Variants in JAG2 observed in about 807,000 individuals in gnomAD.
The protein encoded by JAG2 is jagged canonical Notch ligand 2, also known as protein jagged-2.
In JAG2, 46 loss-of-function variants were observed where a neutral mutation model predicts 141.7. The observed-to-expected ratio is 0.32, with a 90% CI of 0.26 to 0.42. JAG2 has a LOEUF of 0.42. Among genes scored for constraint, JAG2 ranks in the 10% least tolerant of loss-of-function variants. JAG2 has a pLI of 1.00. For synonymous variants in JAG2, 862 were observed against 763.5 expected (o/e 1.13, Z -2.13); for missense variants, 1,500 against 1,817.5 (o/e 0.83, Z 3.18).
rs587633550 is a variant in JAG2 at position 105,165,435 on chromosome 14, G to C, written c.417+2322C>G. 1.6e-3 allele frequency among the ~76,000 whole-genome samples: 240 copies of C among 152,356 alleles called. 1 individual carries two copies. In the Middle Eastern group the frequency reaches 0.02, roughly 13 times the overall value. The stretch of plus-strand genomic sequence containing the variant: ...AACCCAGGCTGACACCGGCCTCCTG[G>C]GGACGTCTGGGGGTGGAGCCAGGAG... On this transcript the variant is annotated intron_variant, in intron 2 of 25. Transcript: ENST00000331782.
intron 2 of JAG2, among the ~76,000 whole-genome samples, chr14:105,161,176 G>A (rs1229948632): frequency 2.7e-5 from 4 of 147,972 alleles, no homozygotes; most frequent in Non-Finnish European, 6.0e-5. Context: ...GTCTGTTGTT[G>A]GGGGTCTGAG....
intron 5 of JAG2, among the ~76,000 whole-genome samples, chr14:105,153,423 A>G (rs1595181024): frequency 6.6e-6 from 1 of 152,072 alleles, no homozygotes; most frequent in Non-Finnish European, 1.5e-5. Flanking sequence ...GCTGTGACAC[A>G]CCTTGGGTCA....
At chr14:105,152,403 G>A in intron 5 of JAG2, 112 bp from the exon 6 acceptor site, 1 of 1,316,432 alleles carries the variant, frequency 7.6e-7, no homozygotes, top group South Asian at 1.3e-5. Context: ...GGCGGCCTCA[G>A]GCCTTTGAAC....
intron 2 of JAG2, among the ~76,000 whole-genome samples, chr14:105,165,005 C>T (rs907458640): frequency 6.6e-6 from 1 of 152,188 alleles, no homozygotes; most frequent in African/African-American, 2.4e-5. Flanking sequence ...GGGGACCATG[C>T]TCCAGCCACA....
rs149308200 is a variant in JAG2 at position 105,153,343 on chromosome 14, C to T, written c.789-1052G>A. 7.9e-5 allele frequency among the ~76,000 whole-genome samples: 12 copies of T among 152,346 alleles called. No individual in the cohort carries two copies. In the South Asian group the frequency reaches 1.2e-3, roughly 16 times the overall value. On this transcript the variant is annotated intron_variant, in intron 5 of 25. Coordinates refer to ENST00000331782, the MANE Select transcript of JAG2 (RefSeq NM_002226.5). ...ATCCAGCCCAGCATGCACAGTGGTC[C>T]GCGTGGGTGGCCTCACATCCCGCCT...
chr14:105,147,806 G>A lies in JAG2; in HGVS notation c.2331C>T (p.Cys777=), dbSNP rs1449390130. The change falls in exon 18 of 26, where the codon TGC becomes TGT. Residue 777 remains cysteine, a synonymous_variant. Transcript: ENST00000331782. ...AAGTACGACCCTCCCAGCCGTCCCGGCAGATGCAGGAGAAGGAGGCCCCGC... is the reference window on the plus strand; with the variant it reads ...AAGTACGACCCTCCCAGCCGTCCCGACAGATGCAGGAGAAGGAGGCCCCGC... ...VGSGASFSCI[C]RDGWEGRTCT... is the part of the protein sequence containing the mutation. 4 of 1,549,432 alleles carry A rather than the reference G, an allele frequency of 2.6e-6. No individual in the cohort carries two copies. Among genetic ancestry groups the A allele is most frequent in the South Asian group, 2.4e-5 (2 of 84,018 alleles).
chr14:105,155,184 C>T (rs1472391247), intron 5 of JAG2, among the ~76,000 whole-genome samples: 1 of 151,800 alleles, frequency 6.6e-6, no homozygotes, highest in Non-Finnish European at 1.5e-5. Context: ...TCTGCCGCCC[C>T]TCGCCTGCTG....
chr14:105,147,685 G>T, intron 18 of JAG2, 87 bp downstream of exon 18: 1 of 1,112,426 alleles, frequency 9.0e-7, no homozygotes, highest in African/African-American at 1.5e-5. Flanking sequence ...GGAGGGGCTG[G>T]CAGAAGGGAC....
chr14:105,155,915 T>G lies in JAG2; in HGVS notation c.550A>C (p.Ser184Arg). 1 of 1,612,068 alleles carries G rather than the reference T, an allele frequency of 6.2e-7. No individual in the cohort carries two copies. Among genetic ancestry groups the G allele is most frequent in the Non-Finnish European group, 8.5e-7 (1 of 1,179,808 alleles). ...PEDRWKSLHFSGHVAHLELQI... is the reference protein window; with the variant it reads ...PEDRWKSLHFRGHVAHLELQI... ...AGCTCCAGGTGCGCCACGTGGCCGC[T>G]GAAGTGCAGGCTCTTCCAGCGGTCC... Residue 184 changes from serine to arginine, a missense_variant, in exon 4 of 26, where the codon AGC becomes CGC. Ser to Arg is a moderately radical substitution (Grantham distance 110). This residue lies in a region of JAG2 where 875 missense variants were observed against 1,202.2 expected (regional missense o/e 0.73). Coordinates refer to ENST00000331782, the MANE Select transcript of JAG2 (RefSeq NM_002226.5).
chr14:105,149,517 G>A (rs145393197), intron 12 of JAG2, among the ~76,000 whole-genome samples, 197 bp from the exon 13 acceptor site: 5 of 151,952 alleles, frequency 3.3e-5, no homozygotes, highest in Admixed American at 6.5e-5. Context: ...GATACCTGTG[G>A]GCCCCCACCC....
intron 25 of JAG2, among the ~76,000 whole-genome samples, 156 bp from the exon 26 acceptor site, chr14:105,143,326 G>A (rs1888121054): frequency 6.6e-6 from 1 of 152,248 alleles, no homozygotes; most frequent in Non-Finnish European, 1.5e-5. Context: ...CGGGGGCTGG[G>A]AAGGTCAGGT....
rs1361181915 is a variant in JAG2 at position 105,155,548 on chromosome 14, G to A, written c.788+14C>T. The stretch of plus-strand genomic sequence containing the variant: ...AAGGTTGGGAGGGCAAAGACGGGCC[G>A]GCGGCACACTCACCTGCACTCCCCA... On this transcript the variant is annotated intron_variant, in intron 5 of 25. Coordinates refer to ENST00000331782, the MANE Select transcript of JAG2 (RefSeq NM_002226.5). 6.8e-6 allele frequency: 11 copies of A among 1,612,698 alleles called. No homozygotes were observed. Among genetic ancestry groups the A allele is most frequent in the South Asian group, 6.6e-5 (6 of 91,078 alleles).
rs746806161 is a variant in JAG2, at chr14:105,146,423, T to C, written c.2671A>G (p.Ser891Gly). The change falls in exon 22 of 26, where the codon AGC becomes GGC. Residue 891 changes from serine (S) to glycine (G), a missense_variant. By Grantham distance (56) the Ser-to-Gly change is moderately conservative. Coordinates refer to ENST00000331782, the MANE Select transcript of JAG2 (RefSeq NM_002226.5). The part of the protein sequence containing the change: ...HGSSWVEDCN[S>G]CRCLDGRRDC... ...CGGCGGCCATCCAGGCAGCGGCAGC[T>C]GTTGCAGTCTTCCACCCAGGAGCTT... 3 of 1,612,722 alleles carry C rather than the reference T, an allele frequency of 1.9e-6. No homozygotes were observed. The highest frequency in any genetic ancestry group is 2.5e-6 in the Non-Finnish European group (3 of 1,179,878).
intron 2 of JAG2, among the ~76,000 whole-genome samples, chr14:105,163,131 C>T (rs587679602): frequency 1.7e-4 from 26 of 152,348 alleles, no homozygotes; most frequent in African/African-American, 4.8e-4. Flanking sequence ...ATCAGCCTCC[C>T]GCCCCCTACG....
At chr14:105,153,219 G>A (rs1490238661) in intron 5 of JAG2, among the ~76,000 whole-genome samples, 1 of 152,200 alleles carries the variant, frequency 6.6e-6, no homozygotes, top group East Asian at 1.9e-4. Flanking sequence ...GGCCCTTCCT[G>A]AGCCGCCCTC....
chr14:105,142,662 G>A lies in JAG2; in HGVS notation c.*33C>T. ...GGCAGACGGCATGGCTCCCACCGAG[G>A]GCCCTGGGTCCCGGCCCAGCTGGCA... On this transcript the variant is annotated 3_prime_UTR_variant, in exon 26 of 26. Transcript: ENST00000331782. The A allele has an allele frequency of 1.3e-6, 2 of 1,529,942 alleles. No individual in the cohort carries two copies. Among genetic ancestry groups the A allele is most frequent in the Non-Finnish European group, 1.8e-6 (2 of 1,124,216 alleles). 94.8% of individuals were successfully genotyped at this position (1,529,942 alleles called of 1,614,324 possible).
intron 24 of JAG2, 49 bp downstream of exon 24, chr14:105,144,881 G>A: frequency 6.3e-7 from 1 of 1,585,848 alleles, no homozygotes; most frequent in Non-Finnish European, 8.5e-7. Flanking sequence ...GACCTGCATA[G>A]TACGGGACCC....
intron 2 of JAG2, among the ~76,000 whole-genome samples, chr14:105,158,491 G>A (rs1475744455): frequency 6.6e-6 from 1 of 152,122 alleles, no homozygotes; most frequent in Non-Finnish European, 1.5e-5. Flanking sequence ...CCTGGCCCTT[G>A]TACCCCAGCC....
chr14:105,156,700 C>T (rs1888594289), intron 3 of JAG2, among the ~76,000 whole-genome samples: 2 of 152,154 alleles, frequency 1.3e-5, no homozygotes, highest in Non-Finnish European at 2.9e-5. Context: ...CAGACCCCAC[C>T]TCTCCCGCCT....
Sources: gnomAD v4.1 joint callset for allele counts (sites outside exome capture counted in the v4.1 genomes callset) on GRCh38, gnomAD v4.1.1 for gene constraint, gnomAD v4.1.1 regional missense constraint, MANE v1.5 for transcripts, NCBI Gene and HGNC (gene_info 2026-07-23, HGNC 2026-07-21) for gene names.